The following IGF2BP2 variants were observed in gnomAD, a reference collection of about 807,000 sequenced individuals.
IGF2BP2 encodes the protein insulin like growth factor 2 mRNA binding protein 2, also known as insulin-like growth factor 2 mRNA-binding protein 2.
In IGF2BP2, 17 loss-of-function variants were observed where a neutral mutation model predicts 75.8. The observed-to-expected ratio is 0.22, with a 90% CI of 0.15 to 0.34. The LOEUF is 0.34. Among genes scored for constraint, IGF2BP2 ranks in the 10% least tolerant of loss-of-function variants. The pLI, the probability that IGF2BP2 is intolerant of heterozygous loss-of-function variation, is 1.00. For missense variants in IGF2BP2, 516 were observed against 772.4 expected, an observed-to-expected ratio of 0.67 and a Z score of 3.93; for synonymous variants, 288 against 295.6, an observed-to-expected ratio of 0.97 and a Z score of 0.26.
At chr3:185,727,884 A>C (rs1193728456) in intron 2 of IGF2BP2, among the ~76,000 whole-genome samples, 1 of 152,166 alleles carries the variant, frequency 6.6e-6, no homozygotes, top group Non-Finnish European at 1.5e-5. Context: ...CAGCTAGTCT[A>C]TGATGGAGCC....
intron 2 of IGF2BP2, among the ~76,000 whole-genome samples, chr3:185,784,788 A>C (rs1578291528): frequency 6.6e-6 from 1 of 152,194 alleles, no homozygotes; most frequent in Non-Finnish European, 1.5e-5. Context: ...CAGAAGTATC[A>C]CCAGTACAGC....
intron 2 of IGF2BP2, among the ~76,000 whole-genome samples, chr3:185,781,319 T>C (rs1222873217): frequency 1.3e-5 from 2 of 152,154 alleles, no homozygotes; most frequent in Non-Finnish European, 2.9e-5. Context: ...AGAAATGTCA[T>C]AGTGAGAATG....
At chr3:185,703,690 C>G (rs1479750107) in intron 2 of IGF2BP2, among the ~76,000 whole-genome samples, 6 of 152,116 alleles carry the variant, frequency 3.9e-5, no homozygotes, top group African/African-American at 1.4e-4. Flanking sequence ...AGGAGAATCA[C>G]TTGAACCTGG....
Position 185,686,953 on chromosome 3 carries a change from T to A in IGF2BP2, c.812+104A>T, listed in dbSNP as rs993115302. ...CACAATCCCTCCCTGCCTCTGTTAC[T>A]GAGTAACAGATTTGGAGTTTTTAAA... On this transcript the variant is annotated intron_variant, in intron 7 of 15. Coordinates refer to ENST00000382199, the MANE Select transcript of IGF2BP2 (RefSeq NM_006548.6). 97 of 1,281,746 alleles carry A rather than the reference T, an allele frequency of 7.6e-5. No individual in the cohort carries two copies. In the South Asian group the frequency reaches 1.2e-3, roughly 16 times the overall value. 79.4% of individuals were successfully genotyped at this position (1,281,746 alleles called of 1,614,324 possible).
chr3:185,665,410 A>G (rs1429745288), intron 10 of IGF2BP2, among the ~76,000 whole-genome samples: 3,468 of 24,906 alleles, frequency 0.14, no homozygotes, highest in Non-Finnish European at 0.15. Context: ...GGAGAAGGAA[A>G]AGGAGGAGAA....
intron 2 of IGF2BP2, among the ~76,000 whole-genome samples, chr3:185,762,482 A>G (rs1560429831): frequency 6.6e-6 from 1 of 150,848 alleles, no homozygotes; most frequent in African/African-American, 2.4e-5. Context: ...GCAGTGAGAC[A>G]AGATCATGCC....
chr3:185,690,730 A>G (rs1721835710), intron 5 of IGF2BP2, among the ~76,000 whole-genome samples: 1 of 152,234 alleles, frequency 6.6e-6, no homozygotes, highest in African/African-American at 2.4e-5. Context: ...ATAGCAGTTT[A>G]GGAGAGAGCA....
At chr3:185,719,067 A>G (rs1051046028) in intron 2 of IGF2BP2, among the ~76,000 whole-genome samples, 2 of 152,154 alleles carry the variant, frequency 1.3e-5, no homozygotes, top group African/African-American at 4.8e-5. Flanking sequence ...CAGACAGAGG[A>G]AGAAACAGAC....
Position 185,753,056 on chromosome 3 carries a change from G to A in IGF2BP2, c.240-54709C>T, listed in dbSNP as rs1056621263. Among the ~76,000 whole-genome samples, 3 of 152,308 alleles carry A rather than the reference G, an allele frequency of 2.0e-5. No individual in the cohort carries two copies. In the East Asian group the frequency reaches 5.8e-4, roughly 29 times the overall value. Reference sequence around the variant, plus strand: ...AGATACATTTTAATTAGTTAATATTGTTAAAGAATCAAAGACCTTGTGTGA... The same window carrying A: ...AGATACATTTTAATTAGTTAATATTATTAAAGAATCAAAGACCTTGTGTGA... On this transcript the variant is annotated intron_variant, in intron 2 of 15. Coordinates refer to ENST00000382199, the MANE Select transcript of IGF2BP2 (RefSeq NM_006548.6).
At chr3:185,760,538 TCTC>T (rs1732219783) in intron 2 of IGF2BP2, among the ~76,000 whole-genome samples, 1 of 152,172 alleles carries the variant, frequency 6.6e-6, no homozygotes, top group Admixed American at 6.5e-5. Context: ...CCATGAGCAG[TCTC>T]TCCCTCACCA....
rs551762492 is a variant in IGF2BP2 at position 185,695,655 on chromosome 3, T to C, written c.340+957A>G. 2.4e-4 allele frequency among the ~76,000 whole-genome samples: 37 copies of C among 152,338 alleles called. 2 individuals are homozygous for C. The South Asian group carries it at 7.3e-3, about 30-fold the overall frequency. ...AGCTTTAGGTACCACTGTTTTCCTTTTAAAAATCATAGTATTTCATGCTTT... is the reference window on the plus strand; with the variant it reads ...AGCTTTAGGTACCACTGTTTTCCTTCTAAAAATCATAGTATTTCATGCTTT... On this transcript the variant is annotated intron_variant, in intron 4 of 15. Coordinates refer to ENST00000382199, the MANE Select transcript of IGF2BP2 (RefSeq NM_006548.6).
At chr3:185,798,000 G>A (rs1274025579) in intron 2 of IGF2BP2, among the ~76,000 whole-genome samples, 4 of 151,350 alleles carry the variant, frequency 2.6e-5, no homozygotes, top group Non-Finnish European at 5.9e-5. Flanking sequence ...TCAGGAGTTC[G>A]AGACCAGCCT....
chr3:185,672,888 GT>G, intron 9 of IGF2BP2, among the ~76,000 whole-genome samples: 1 of 152,208 alleles, frequency 6.6e-6, no homozygotes, highest in East Asian at 1.9e-4. Context: ...TACATATCTT[GT>G]CATGGAAAAT....
chr3:185,821,781 G>C (rs1741411155), intron 2 of IGF2BP2, among the ~76,000 whole-genome samples: 1 of 152,078 alleles, frequency 6.6e-6, no homozygotes. Context: ...AAATTTTCAA[G>C]TGTTGTGAGA....
At chr3:185,777,630 C>T (rs1734687998) in intron 2 of IGF2BP2, among the ~76,000 whole-genome samples, 1 of 152,048 alleles carries the variant, frequency 6.6e-6, no homozygotes, top group Admixed American at 6.6e-5. Flanking sequence ...CATTATTTAC[C>T]CAATTTTCAG....
intron 2 of IGF2BP2, among the ~76,000 whole-genome samples, chr3:185,723,874 A>G (rs1726933628): frequency 6.6e-6 from 1 of 152,222 alleles, no homozygotes; most frequent in African/African-American, 2.4e-5. Context: ...CAAGTAAAGA[A>G]GAGGACAAAA....
intron 2 of IGF2BP2, among the ~76,000 whole-genome samples, chr3:185,711,873 T>A (rs1352293417): frequency 1.3e-5 from 2 of 152,168 alleles, no homozygotes; most frequent in East Asian, 3.9e-4. Context: ...GATAAGCTCC[T>A]GCCCTCTCCT....
intron 2 of IGF2BP2, among the ~76,000 whole-genome samples, chr3:185,792,116 T>A (rs1199285921): frequency 2.6e-5 from 4 of 152,208 alleles, no homozygotes; most frequent in Non-Finnish European, 5.9e-5. Context: ...AAGATATTAC[T>A]ACTACTGCTA....
At chr3:185,680,854 T>C (rs1438938603) in intron 7 of IGF2BP2, among the ~76,000 whole-genome samples, 2 of 152,114 alleles carry the variant, frequency 1.3e-5, no homozygotes, top group Non-Finnish European at 2.9e-5. Context: ...TACATGATCA[T>C]GTCATTAGAA....
Sources: allele counts gnomAD v4.1 joint callset (sites outside exome capture counted in the v4.1 genomes callset), GRCh38; gene constraint gnomAD v4.1.1; transcripts MANE v1.5; gene names NCBI Gene and HGNC (gene_info 2026-07-23, HGNC 2026-07-21).